Variants in PCDHGB4 observed in about 807,000 individuals in gnomAD.
PCDHGB4 encodes protocadherin gamma-B4.
In PCDHGB4, 38 loss-of-function variants were observed where a neutral mutation model predicts 60.5. That is an observed-to-expected ratio of 0.63 (90% CI 0.48 to 0.82). The LOEUF (loss-of-function observed/expected upper bound fraction) is 0.82, where lower values mean the gene tolerates loss of function less well. PCDHGB4 is among the 40% of genes least tolerant of loss of function. PCDHGB4 has a pLI of 0.00. For synonymous variants in PCDHGB4, 456 were observed against 509.7 expected (o/e 0.89, Z 1.42); for missense variants, 1,109 against 1,209.6 (o/e 0.92, Z 1.23).
At chr5:141,467,941 G>A (rs1173095290) in intron 1 of PCDHGB4, among the ~76,000 whole-genome samples, 4 of 151,984 alleles carry the variant, frequency 2.6e-5, no homozygotes, top group Admixed American at 2.6e-4. Context: ...TTACAAGCAT[G>A]AGCCACCACA....
rs1561863583 is a variant in PCDHGB4, at chr5:141,432,685, C to A, written c.2397+42404C>A. Reference sequence around the variant, plus strand: ...ACAGAGACGCGCTCAAGCAGAGCCTCGTAGTGGCCGTCCAGGACCACGGCC... The same window carrying A: ...ACAGAGACGCGCTCAAGCAGAGCCTAGTAGTGGCCGTCCAGGACCACGGCC... On this transcript the variant is annotated intron_variant, in intron 1 of 3. Transcript: ENST00000519479. The surrounding 1 kb of genome is among the most constrained non-coding windows in gnomAD (Gnocchi z 6.0). 3.7e-6 allele frequency: 6 copies of A among 1,613,932 alleles called. No individual in the cohort carries two copies. Among genetic ancestry groups the A allele is most frequent in the Non-Finnish European group, 5.1e-6 (6 of 1,179,966 alleles).
At chr5:141,441,742 T>C in intron 1 of PCDHGB4, 1 of 367,312 alleles carries the variant, frequency 2.7e-6, no homozygotes, top group Non-Finnish European at 5.4e-6. Context: ...TAGCTCGCGC[T>C]CGGCGTCAAC....
intron 1 of PCDHGB4, chr5:141,414,538 A>C: frequency 1.2e-6 from 2 of 1,613,882 alleles, no homozygotes; most frequent in Non-Finnish European, 1.7e-6. Flanking sequence ...CAACCCACCT[A>C]CCTTCTCTCA....
Position 141,510,956 on chromosome 5 carries a change from A to T in PCDHGB4, c.2555A>T (p.Asp852Val). 1 of 1,614,104 alleles carries T rather than the reference A, an allele frequency of 6.2e-7. No homozygotes were observed. The highest frequency in any genetic ancestry group is 8.5e-7 in the Non-Finnish European group (1 of 1,179,996). The change falls in exon 4 of 4, where the codon GAT becomes GTT. Residue 852 changes from aspartate to valine, a missense_variant. Asp to Val is a radical substitution (Grantham distance 152). This residue lies in a region of PCDHGB4 where 1,068 missense variants were observed against 1,089.9 expected (regional missense o/e 0.98). Transcript: ENST00000519479. ...MILASASEAA[D>V]GSSTLGGGAG... ...TCCTCTGTCTCTGCAGAAGCTGCTG[A>T]TGGGAGCTCCACCCTGGGAGGGGGT...
Position 141,490,970 on chromosome 5 carries a change from A to G in PCDHGB4, c.2398-3837A>G. ...CCAGACTGGGAACACTCAGCCCCCC[A>G]GCGTCTCCCTCGCTCTGCTCCTCCT... On this transcript the variant is annotated intron_variant, in intron 1 of 3. Coordinates refer to ENST00000519479, the MANE Select transcript of PCDHGB4 (RefSeq NM_003736.4). This position sits in a 1 kb window ranked among gnomAD's most constrained non-coding sequence, Gnocchi z 5.4. 1 of 1,613,858 alleles carries G rather than the reference A, an allele frequency of 6.2e-7. No individual in the cohort carries two copies. Among genetic ancestry groups the G allele is most frequent in the South Asian group, 1.1e-5 (1 of 91,062 alleles).
At position 141,447,140 on chromosome 5, in the gene PCDHGB4, T is replaced by C. The variant is rs770212881; in HGVS notation, c.2398-47667T>C. ...ATGGATTTTTTTGTTTGTTTGTTTT[T>C]TGTTTTTGTTTTTGTTTAAGCGGGG... On this transcript the variant is annotated intron_variant, in intron 1 of 3. Coordinates refer to ENST00000519479, the MANE Select transcript of PCDHGB4 (RefSeq NM_003736.4). Among the ~76,000 whole-genome samples the C allele has an allele frequency of 6.6e-5, 10 of 152,158 alleles. 1 individual carries two copies. Among genetic ancestry groups the C allele is most frequent in the Non-Finnish European group, 1.2e-4 (8 of 68,042 alleles).
At chr5:141,404,720 A>C in intron 1 of PCDHGB4, 1 of 1,613,804 alleles carries the variant, frequency 6.2e-7, no homozygotes, top group Non-Finnish European at 8.5e-7. Flanking sequence ...CCTGGTGACC[A>C]AGGTGGTGGC....
chr5:141,400,023 C>A (rs755667675), intron 1 of PCDHGB4: 38 of 1,612,754 alleles, frequency 2.4e-5, no homozygotes, highest in Non-Finnish European at 3.2e-5. Flanking sequence ...GCGACAGGGA[C>A]GCGGCCCGCC....
Position 141,390,071 on chromosome 5 carries a change from CTG to C in PCDHGB4, c.2191_2192del (p.Val731Ter). ...ASWSCFQPGL[C>X]VKSESVVPPN... Reference sequence around the variant, plus strand: ...CCTGGAGCTGCTTCCAGCCTGGTCTCTGTGTTAAATCCGAATCCGTGGTTCCC... The same window carrying C: ...CCTGGAGCTGCTTCCAGCCTGGTCTCTGTTAAATCCGAATCCGTGGTTCCC... On this transcript the variant is annotated frameshift_variant, in exon 1 of 4. Transcript: ENST00000519479. LOFTEE classifies it high-confidence loss of function. 1.2e-6 allele frequency: 2 copies of C among 1,614,084 alleles called. No individual in the cohort carries two copies. Among genetic ancestry groups the C allele is most frequent in the Middle Eastern group, 1.6e-4 (1 of 6,062 alleles).
At chr5:141,499,620 G>A (rs557854340) in intron 2 of PCDHGB4, among the ~76,000 whole-genome samples, 1 of 150,986 alleles carries the variant, frequency 6.6e-6, no homozygotes, top group Non-Finnish European at 1.5e-5. Context: ...TCCTGTCCTT[G>A]GATTCTTTTG....
Position 141,408,292 on chromosome 5 carries a change from T to C in PCDHGB4, c.2397+18011T>C, listed in dbSNP as rs752767472. On this transcript the variant is annotated intron_variant, in intron 1 of 3. Coordinates refer to ENST00000519479, the MANE Select transcript of PCDHGB4 (RefSeq NM_003736.4). ...TGCCTTTGTTCTACCCCACCCTGAGTGAGCCGATCCGCTACTCGATTCCGG... is the reference window on the plus strand; with the variant it reads ...TGCCTTTGTTCTACCCCACCCTGAGCGAGCCGATCCGCTACTCGATTCCGG... The C allele has an allele frequency of 5.0e-6, 8 of 1,613,504 alleles. No homozygotes were observed. The South Asian group carries it at 8.8e-5, about 18-fold the overall frequency.
intron 1 of PCDHGB4, chr5:141,413,580 A>G (rs1216926250): frequency 5.0e-6 from 8 of 1,613,804 alleles, no homozygotes; most frequent in Non-Finnish European, 1.7e-6. Context: ...ACAATGCTCC[A>G]AAATTCCAAG....
In PCDHGB4 at chr5:141,476,659, G is replaced by A; in HGVS notation, c.2398-18148G>A. On this transcript the variant is annotated intron_variant, in intron 1 of 3. Coordinates refer to ENST00000519479, the MANE Select transcript of PCDHGB4 (RefSeq NM_003736.4). The surrounding 1 kb of genome is among the most constrained non-coding windows in gnomAD (Gnocchi z 7.6). ...AGCTGAGCCGAAATGAATACTTTGC[G>A]CTTCGCGTGCAGACGCGGGAGGACA... 2 of 1,614,252 alleles carry A rather than the reference G, an allele frequency of 1.2e-6. No homozygotes were observed. Among genetic ancestry groups the A allele is most frequent in the Non-Finnish European group, 8.5e-7 (1 of 1,180,048 alleles).
At chr5:141,458,318 A>T (rs1420197662) in intron 1 of PCDHGB4, among the ~76,000 whole-genome samples, 1 of 152,128 alleles carries the variant, frequency 6.6e-6, no homozygotes, top group Non-Finnish European at 1.5e-5. Context: ...ACACAGACAC[A>T]TGTGGAGTGG....
At chr5:141,405,476 G>A (rs1214119236) in intron 1 of PCDHGB4, 1 of 1,048,044 alleles carries the variant, frequency 9.5e-7, no homozygotes, top group Non-Finnish European at 1.4e-6. Flanking sequence ...CTGGAATGCA[G>A]TGGTGTGATC....
At chr5:141,433,397 A>G (rs189987785) in intron 1 of PCDHGB4, among the ~76,000 whole-genome samples, 270 of 150,524 alleles carry the variant, frequency 1.8e-3, no homozygotes, top group Non-Finnish European at 3.1e-3. Context: ...CTATCTATCT[A>G]TCTATCTATT....
intron 1 of PCDHGB4, among the ~76,000 whole-genome samples, chr5:141,455,650 C>T (rs1176718096): frequency 2.6e-5 from 4 of 151,994 alleles, no homozygotes; most frequent in African/African-American, 9.7e-5. Flanking sequence ...AGCCATGTGG[C>T]CAGGAACTTG....
Position 141,431,646 on chromosome 5 carries a change from G to A in PCDHGB4, c.2397+41365G>A. ...GCGGCCCAAGTTTTCAAACTAGATT[G>A]TAATTCAGGGACAATATCAACAATA... On this transcript the variant is annotated intron_variant, in intron 1 of 3. Coordinates refer to ENST00000519479, the MANE Select transcript of PCDHGB4 (RefSeq NM_003736.4). The surrounding 1 kb of genome is among the most constrained non-coding windows in gnomAD (Gnocchi z 4.8). 2 of 1,614,252 alleles carry A rather than the reference G, an allele frequency of 1.2e-6. No individual in the cohort carries two copies. Among genetic ancestry groups the A allele is most frequent in the Non-Finnish European group, 1.7e-6 (2 of 1,180,046 alleles).
intron 1 of PCDHGB4, among the ~76,000 whole-genome samples, chr5:141,446,764 G>A (rs2098514605): frequency 6.6e-6 from 1 of 152,214 alleles, no homozygotes; most frequent in Non-Finnish European, 1.5e-5. Context: ...ACCGCGCCCA[G>A]CCGGTTACCA....
Sources: allele counts gnomAD v4.1 joint callset (sites outside exome capture counted in the v4.1 genomes callset), GRCh38; gene constraint gnomAD v4.1.1; regional missense constraint gnomAD v4.1.1; non-coding constraint Gnocchi (gnomAD v3.1); transcripts MANE v1.5; gene names NCBI Gene and HGNC (gene_info 2026-07-23, HGNC 2026-07-21).